The following RGL2 variants were observed in gnomAD, a reference collection of about 807,000 sequenced individuals.
RGL2 encodes the protein ral guanine nucleotide dissociation stimulator-like 2.
RGL2 carries 40 observed loss-of-function variants against 84.6 expected under a neutral mutation model. That is an observed-to-expected ratio of 0.47 (90% CI 0.37 to 0.62). The LOEUF (loss-of-function observed/expected upper bound fraction) is 0.62, where lower values mean the gene tolerates loss of function less well. RGL2 is among the 20% of genes least tolerant of loss of function. The pLI, the probability that RGL2 is intolerant of heterozygous loss-of-function variation, is 0.00. For missense variants in RGL2, 865 were observed against 1,019.7 expected, an observed-to-expected ratio of 0.85 and a Z score of 2.07; for synonymous variants, 369 against 417.3, an observed-to-expected ratio of 0.88 and a Z score of 1.41.
In RGL2 at chr6:33,296,081, C is replaced by T. The variant is rs781607754; in HGVS notation, c.715G>A (p.Val239Ile). ...AAGTGGTCAGCGAGGAACACCAGGACATCCGTGGGGTCAGCAGGGGGATCG... is the reference window on the plus strand; with the variant it reads ...AAGTGGTCAGCGAGGAACACCAGGATATCCGTGGGGTCAGCAGGGGGATCG... ...PGDPPADPTD[V>I]LVFLADHLAE... Residue 239 changes from valine to isoleucine, a missense_variant, in exon 6 of 18, where the codon GTC (valine) becomes ATC (isoleucine). Around this residue, in one of 5 missense-constraint regions of RGL2, gnomAD observed 455 missense variants for 507.8 expected, o/e 0.90. Coordinates refer to ENST00000497454, the MANE Select transcript of RGL2 (RefSeq NM_004761.5). This position sits in a 1 kb window ranked among gnomAD's most constrained non-coding sequence, Gnocchi z 5.0. 8.1e-6 allele frequency: 13 copies of T among 1,613,908 alleles called. No individual in the cohort carries two copies. Among genetic ancestry groups the T allele is most frequent in the South Asian group, 7.7e-5 (7 of 91,070 alleles).
At position 33,298,325 on chromosome 6, in the gene RGL2, C is replaced by A; in HGVS notation, c.156+130G>T. 1 of 581,084 alleles carries A rather than the reference C, an allele frequency of 1.7e-6. No homozygotes were observed. The highest frequency in any genetic ancestry group is 2.2e-5 in the South Asian group (1 of 45,888). The allele number at this position is 581,084 out of a possible 1,614,324, so 36.0% of individuals were successfully genotyped here. On this transcript the variant is annotated intron_variant, in intron 2 of 17. Coordinates refer to ENST00000497454, the MANE Select transcript of RGL2 (RefSeq NM_004761.5). This position sits in a 1 kb window ranked among gnomAD's most constrained non-coding sequence, Gnocchi z 4.8. ...GCCAGGACTCCCCGCAGCAGAGAAA[C>A]GGGCCGACACCCAGGGAGGCGCGAG...
rs1767610830 is a variant in RGL2 at position 33,293,256 on chromosome 6, A to G, written c.1767T>C (p.Ser589=). Residue 589 remains serine (S), a synonymous_variant, in exon 16 of 18, where the codon AGT becomes AGC. Transcript: ENST00000497454. The surrounding 1 kb of genome is among the most constrained non-coding windows in gnomAD (Gnocchi z 7.0). ...GGTCAGCTGGACTGTGCAGGGATGG[A>G]CTGCTTTCCAAGGCAGAGTCTAGTG... ...VSSLDSALES[S]PSLHSPADPS... 1 of 1,547,852 alleles carries G rather than the reference A, an allele frequency of 6.5e-7. No individual in the cohort carries two copies. Among genetic ancestry groups the G allele is most frequent in the South Asian group, 1.3e-5 (1 of 79,790 alleles).
At position 33,292,213 on chromosome 6, in the gene RGL2, A is replaced by G. The variant is rs1265748163; in HGVS notation, c.2223T>C (p.Pro741=). The G allele has an allele frequency of 6.2e-7, 1 of 1,614,194 alleles. No homozygotes were observed. Among genetic ancestry groups the G allele is most frequent in the Admixed American group, 1.7e-5 (1 of 60,024 alleles). ...RQRRRSSTAT[P]GVTSGPSASG... Reference sequence around the variant, plus strand: ...AGGCAGACGGGCCACTGGTGACGCCAGGTGTAGCAGTAGAGGACCTTCGCC... The same window carrying G: ...AGGCAGACGGGCCACTGGTGACGCCGGGTGTAGCAGTAGAGGACCTTCGCC... The change falls in exon 18 of 18, where the codon CCT becomes CCC. Residue 741 remains proline, a synonymous_variant. Coordinates refer to ENST00000497454, the MANE Select transcript of RGL2 (RefSeq NM_004761.5).
chr6:33,295,436 A>G lies in RGL2; in HGVS notation c.1021-14T>C, dbSNP rs777236188. The stretch of plus-strand genomic sequence containing the variant: ...CAGCCGGCACTCCTGTGGGGGTCAA[A>G]GAAGAGAGCTAAGGCTATGGGAGGC... On this transcript the variant is annotated splice_polypyrimidine_tract_variant and intron_variant, in intron 7 of 17. Transcript: ENST00000497454. This position sits in a 1 kb window ranked among gnomAD's most constrained non-coding sequence, Gnocchi z 7.2. The G allele has an allele frequency of 3.1e-6, 5 of 1,613,130 alleles. No individual in the cohort carries two copies. In the Admixed American group the frequency reaches 8.3e-5, roughly 27 times the overall value.
In RGL2 at chr6:33,296,473, G is replaced by A. The variant is rs751884939; in HGVS notation, c.420-9C>T. On this transcript the variant is annotated splice_polypyrimidine_tract_variant and intron_variant, in intron 4 of 17. Coordinates refer to ENST00000497454, the MANE Select transcript of RGL2 (RefSeq NM_004761.5). This position sits in a 1 kb window ranked among gnomAD's most constrained non-coding sequence, Gnocchi z 5.0. ...ATTCAAGGGCTTCCAGCCTGAGGGG[G>A]AGAAGAGGATCTATCTGTCCATTTT... 8 of 1,604,454 alleles carry A rather than the reference G, an allele frequency of 5.0e-6. No individual in the cohort carries two copies. Among genetic ancestry groups the A allele is most frequent in the Non-Finnish European group, 6.8e-6 (8 of 1,175,314 alleles).
At position 33,295,903 on chromosome 6, in the gene RGL2, C is replaced by G; in HGVS notation, c.768+125G>C. 13 of 1,448,796 alleles carry G rather than the reference C, an allele frequency of 9.0e-6. No homozygotes were observed. The highest frequency in any genetic ancestry group is 5.0e-5 in the South Asian group (4 of 80,606). The allele number at this position is 1,448,796 out of a possible 1,614,324, so 89.7% of individuals were successfully genotyped here. A position where few individuals can be genotyped will look rare whatever the true frequency, so the allele number is the denominator to read the frequency against. ...ACGACCAAAGGGAAAAGGGGAGAAT[C>G]AAAATGGTAGGTGGAGGAGGCTAGG... On this transcript the variant is annotated intron_variant, in intron 6 of 17. Coordinates refer to ENST00000497454, the MANE Select transcript of RGL2 (RefSeq NM_004761.5). This position sits in a 1 kb window ranked among gnomAD's most constrained non-coding sequence, Gnocchi z 7.2.
chr6:33,294,199 C>G lies in RGL2; in HGVS notation c.1354-133G>C. 1 of 1,042,164 alleles carries G rather than the reference C, an allele frequency of 9.6e-7. No individual in the cohort carries two copies. Among genetic ancestry groups the G allele is most frequent in the Non-Finnish European group, 1.4e-6 (1 of 710,000 alleles). 64.6% of individuals were successfully genotyped at this position (1,042,164 alleles called of 1,614,324 possible). On this transcript the variant is annotated intron_variant, in intron 11 of 17. Transcript: ENST00000497454. The surrounding 1 kb of genome is among the most constrained non-coding windows in gnomAD (Gnocchi z 5.0). ...CTTCCCTCCAGCCTCTCTGACTCTT[C>G]GATCCCTCCCTGCCTTCCTCCTCAA...
rs760678972 is a variant in RGL2 at position 33,295,187 on chromosome 6, G to A, written c.1149C>T (p.Ser383=). 6.2e-7 allele frequency: 1 copy of A among 1,605,528 alleles called. No homozygotes were observed. Among genetic ancestry groups the A allele is most frequent in the Non-Finnish European group, 8.5e-7 (1 of 1,175,700 alleles). ...CCTCCTCGGAGAAAATCTGGCAGAG[G>A]CTGGAAAAGACTCTGAGGCTGTCCC... ...ATRDSLRVFS[S]LCQIFSEEDN... is the part of the protein sequence containing the mutation. Residue 383 remains serine, a synonymous_variant, in exon 9 of 18, where the codon AGC becomes AGT. Coordinates refer to ENST00000497454, the MANE Select transcript of RGL2 (RefSeq NM_004761.5). This position sits in a 1 kb window ranked among gnomAD's most constrained non-coding sequence, Gnocchi z 7.2.
Position 33,297,042 on chromosome 6 carries a change from A to G in RGL2, c.230T>C (p.Leu77Pro). ...FTVTSRQYRP[L>P]DPLVPMPPPR... The stretch of plus-strand genomic sequence containing the variant: ...AAGTCATGATCTCACCAAGGGATCA[A>G]GAGGTCGATATTGGCGGCTTGTGAC... The change falls in exon 3 of 18, where the codon CTT becomes CCT. Residue 77 changes from leucine to proline, a missense_variant. Around this residue, in one of 5 missense-constraint regions of RGL2, gnomAD observed 455 missense variants for 507.8 expected, o/e 0.90. Coordinates refer to ENST00000497454, the MANE Select transcript of RGL2 (RefSeq NM_004761.5). This position sits in a 1 kb window ranked among gnomAD's most constrained non-coding sequence, Gnocchi z 4.0. 1 of 1,581,882 alleles carries G rather than the reference A, an allele frequency of 6.3e-7. No individual in the cohort carries two copies. The highest frequency in any genetic ancestry group is 1.2e-5 in the South Asian group (1 of 84,920).
Position 33,293,579 on chromosome 6 carries a change from A to AC in RGL2, c.1604+24dup. Reference sequence around the variant, plus strand: ...AGAAAAGTGGAAGTCCCAAGAAACCACCCCCCAGCCAGTGAATCTCTCACT... The same window carrying AC: ...AGAAAAGTGGAAGTCCCAAGAAACCACCCCCCCAGCCAGTGAATCTCTCACT... On this transcript the variant is annotated intron_variant, in intron 14 of 17. Transcript: ENST00000497454. This position sits in a 1 kb window ranked among gnomAD's most constrained non-coding sequence, Gnocchi z 7.0. 6.2e-7 allele frequency: 1 copy of AC among 1,611,288 alleles called. No homozygotes were observed.
Position 33,293,938 on chromosome 6 carries a change from G to C in RGL2, c.1387-22C>G, listed in dbSNP as rs372305063. 1 of 1,614,026 alleles carries C rather than the reference G, an allele frequency of 6.2e-7. No individual in the cohort carries two copies. On this transcript the variant is annotated intron_variant, in intron 12 of 17. Transcript: ENST00000497454. The surrounding 1 kb of genome is among the most constrained non-coding windows in gnomAD (Gnocchi z 7.0). The stretch of plus-strand genomic sequence containing the variant: ...ACTCCTGGGAAGGAGCCCTCAAACT[G>C]CAGGAGCCAAAACTCAGGGACCCCT...
chr6:33,292,507 C>T lies in RGL2; in HGVS notation c.2045G>A (p.Arg682His), dbSNP rs747937466. 8 of 1,614,118 alleles carry T rather than the reference C, an allele frequency of 5.0e-6. No individual in the cohort carries two copies. The highest frequency in any genetic ancestry group is 1.1e-5 in the South Asian group (1 of 91,084). ...SQDKAPSVIS[R>H]VLKKNNRDSA... The stretch of plus-strand genomic sequence containing the variant: ...GTCACGATTGTTTTTCTTAAGGACA[C>T]GACTGATGACACTTGGAGCCTTGTC... Residue 682 changes from arginine to histidine, a missense_variant, in exon 17 of 18, where the codon CGT becomes CAT. Coordinates refer to ENST00000497454, the MANE Select transcript of RGL2 (RefSeq NM_004761.5).
In RGL2 at chr6:33,292,460, C is replaced by T; in HGVS notation, c.2092G>A (p.Glu698Lys). The change falls in exon 17 of 18, where the codon GAG becomes AAG. Residue 698 changes from glutamate (E) to lysine (K), a missense_variant. Glu to Lys is a moderately conservative substitution (Grantham distance 56). Transcript: ENST00000497454. ...TCCCCTGGTAGCAGCTGTACCAGCTCATACTCTGAAGCCACTGCAGAGTCA... is the reference window on the plus strand; with the variant it reads ...TCCCCTGGTAGCAGCTGTACCAGCTTATACTCTGAAGCCACTGCAGAGTCA... ...NRDSAVASEY[E>K]LVQLLPGERE... 1.2e-6 allele frequency: 2 copies of T among 1,614,146 alleles called. No homozygotes were observed. Among genetic ancestry groups the T allele is most frequent in the Non-Finnish European group, 1.7e-6 (2 of 1,180,010 alleles).
chr6:33,297,207 C>T lies in RGL2; in HGVS notation c.157-92G>A. 1.0e-6 allele frequency: 1 copy of T among 978,136 alleles called. No homozygotes were observed. The highest frequency in any genetic ancestry group is 1.5e-6 in the Non-Finnish European group (1 of 655,990). 60.6% of individuals were successfully genotyped at this position (978,136 alleles called of 1,614,324 possible). ...CCAGGCCCTGCTCCTCCCTCTGTACCCCTCACCTGTGGTGGCAGGGCATAG... is the reference window on the plus strand; with the variant it reads ...CCAGGCCCTGCTCCTCCCTCTGTACTCCTCACCTGTGGTGGCAGGGCATAG... On this transcript the variant is annotated intron_variant, in intron 2 of 17. Coordinates refer to ENST00000497454, the MANE Select transcript of RGL2 (RefSeq NM_004761.5). The surrounding 1 kb of genome is among the most constrained non-coding windows in gnomAD (Gnocchi z 4.0).
chr6:33,298,347 C>G lies in RGL2; in HGVS notation c.156+108G>C, dbSNP rs149184590. On this transcript the variant is annotated intron_variant, in intron 2 of 17. Transcript: ENST00000497454. The surrounding 1 kb of genome is among the most constrained non-coding windows in gnomAD (Gnocchi z 4.8). ...AAACGGGCCGACACCCAGGGAGGCG[C>G]GAGAATAACTGAGGCAAGGAGGAGG... The G allele has an allele frequency of 7.9e-6, 5 of 630,474 alleles. No individual in the cohort carries two copies. Among genetic ancestry groups the G allele is most frequent in the Non-Finnish European group, 1.1e-5 (4 of 371,218 alleles). The allele number at this position is 630,474 out of a possible 1,614,324, so 39.1% of individuals were successfully genotyped here. A position where few individuals can be genotyped will look rare whatever the true frequency, so the allele number is the denominator to read the frequency against.
In RGL2 at chr6:33,298,835, G is replaced by T. The variant is rs1302171414; in HGVS notation, c.-42+35C>A. The T allele has an allele frequency of 1.7e-5, 7 of 419,320 alleles. No individual in the cohort carries two copies. The highest frequency in any genetic ancestry group is 3.0e-5 in the Non-Finnish European group (7 of 236,096). 26.0% of individuals were successfully genotyped at this position (419,320 alleles called of 1,614,324 possible). A position where few individuals can be genotyped will look rare whatever the true frequency, so the allele number is the denominator to read the frequency against. On this transcript the variant is annotated intron_variant, in intron 1 of 17. Coordinates refer to ENST00000497454, the MANE Select transcript of RGL2 (RefSeq NM_004761.5). This position sits in a 1 kb window ranked among gnomAD's most constrained non-coding sequence, Gnocchi z 4.8. ...TGCTGTTGGGGAAGGAGGAGGTCAC[G>T]AGTACGGGGACGCGCAGGGTGCTCA...
chr6:33,295,337 GCTGCCCGAAGCCTGTGGATGGGGCTGGA>G lies in RGL2; in HGVS notation c.1078_1105del (p.Ser360ProfsTer37). 1 of 1,585,176 alleles carries G rather than the reference GCTGCCCGAAGCCTGTGGATGGGGCTGGA, an allele frequency of 6.3e-7. No individual in the cohort carries two copies. The highest frequency in any genetic ancestry group is 8.6e-7 in the Non-Finnish European group (1 of 1,166,152). ...TCCGCACCTGGTTGCTTCCCCCCAG[GCTGCCCGAAGCCTGTGGATGGGGCTGGA>G]CTGCAGGGCTGACACCACGGCATAA... On this transcript the variant is annotated frameshift_variant, in exon 8 of 18. Transcript: ENST00000497454. LOFTEE classifies it high-confidence loss of function. The surrounding 1 kb of genome is among the most constrained non-coding windows in gnomAD (Gnocchi z 7.2).
upstream of RGL2, chr6:33,299,349 C>A (rs1005368194): frequency 6.6e-6 from 1 of 152,236 alleles, no homozygotes; most frequent in Non-Finnish European, 1.5e-5. This position sits in a 1 kb window ranked among gnomAD's most constrained non-coding sequence, Gnocchi z 5.0. Flanking sequence ...CGGGATTACC[C>A]TCCCTACCAC....
chr6:33,294,704 G>C lies in RGL2; in HGVS notation c.1337C>G (p.Ser446Cys), dbSNP rs1468825643. The C allele has an allele frequency of 1.2e-6, 2 of 1,614,010 alleles. No individual in the cohort carries two copies. ...ACCACTGACCTCCAACTCATCCTTG[G>C]AGGCTGCATCCAGCATCACAAGGTC... ...LKDLVMLDAA[S>C]KDELENGYIN... The change falls in exon 11 of 18, where the codon TCC (serine) becomes TGC (cysteine). Residue 446 changes from serine to cysteine, a missense_variant. By Grantham distance (112) the Ser-to-Cys change is moderately radical (BLOSUM62 -1). Transcript: ENST00000497454. This position sits in a 1 kb window ranked among gnomAD's most constrained non-coding sequence, Gnocchi z 5.0.
Sources: gnomAD v4.1 joint callset for allele counts on GRCh38, gnomAD v4.1.1 for gene constraint, gnomAD v4.1.1 regional missense constraint, Gnocchi (gnomAD v3.1) non-coding constraint, MANE v1.5 for transcripts, NCBI Gene and HGNC (gene_info 2026-07-23, HGNC 2026-07-21) for gene names.